Variants in RIMS2 observed in about 807,000 individuals in gnomAD.
The protein encoded by RIMS2 is regulating synaptic membrane exocytosis 2.
Under a neutral mutation model 174.4 loss-of-function variants are expected in RIMS2, and 59 were observed. The observed-to-expected ratio is 0.34, with a 90% confidence interval of 0.27 to 0.42. The LOEUF (loss-of-function observed/expected upper bound fraction) is 0.42. Among genes scored for constraint, RIMS2 ranks in the 10% least tolerant of loss-of-function variants. The probability of loss-of-function intolerance (pLI) is 1.00; values close to 1 mark genes in which losing one functional copy is unlikely to be tolerated. For missense variants in RIMS2, 1,620 were observed against 1,666.3 expected, an observed-to-expected ratio of 0.97 and a Z score of 0.48; for synonymous variants, 606 against 572.5, an observed-to-expected ratio of 1.06 and a Z score of -0.84.
At chr8:104,176,458 G>T (rs560748676) in intron 19 of RIMS2, among the ~76,000 whole-genome samples, 1 of 151,976 alleles carries the variant, frequency 6.6e-6, no homozygotes, top group Admixed American at 6.6e-5. Flanking sequence ...ATCATAGTGG[G>T]CATGGTTCCA....
At chr8:103,663,111 G>A (rs2136142094) in intron 1 of RIMS2, among the ~76,000 whole-genome samples, 1 of 152,022 alleles carries the variant, frequency 6.6e-6, no homozygotes. Context: ...AGAGATTGCA[G>A]TGAGCTGAGA....
At chr8:103,986,370 A>T (rs1449317135) in intron 16 of RIMS2, among the ~76,000 whole-genome samples, 2 of 152,182 alleles carry the variant, frequency 1.3e-5, no homozygotes, top group Non-Finnish European at 2.9e-5. Context: ...AGGCACAGAC[A>T]GTAAGAAAAA....
intron 19 of RIMS2, among the ~76,000 whole-genome samples, chr8:104,153,270 A>C (rs933470475): frequency 6.6e-6 from 1 of 152,138 alleles, no homozygotes; most frequent in Non-Finnish European, 1.5e-5. Context: ...TATAGAGGGA[A>C]TAAGGAGACT....
At chr8:104,036,780 G>A (rs1405595543) in intron 19 of RIMS2, among the ~76,000 whole-genome samples, 3 of 151,960 alleles carry the variant, frequency 2.0e-5, no homozygotes, top group African/African-American at 7.2e-5. Context: ...AGGAGGCTGA[G>A]GCAGGAGAAT....
chr8:104,057,830 G>A (rs967353695), intron 19 of RIMS2, among the ~76,000 whole-genome samples: 1 of 148,034 alleles, frequency 6.8e-6, no homozygotes. Context: ...TTGGTTTTTT[G>A]TCCTTGCGAT....
intron 3 of RIMS2, among the ~76,000 whole-genome samples, chr8:103,788,143 TG>T (rs1486018923): frequency 1.3e-5 from 2 of 150,298 alleles, no homozygotes; most frequent in Non-Finnish European, 3.0e-5. Flanking sequence ...AGCACTTCTC[TG>T]TATTGGTTAT....
chr8:103,593,697 T>C (rs1303310720), intron 1 of RIMS2, among the ~76,000 whole-genome samples: 2 of 151,500 alleles, frequency 1.3e-5, no homozygotes, highest in East Asian at 1.9e-4. Context: ...TAAAATAATA[T>C]TATTTTCTCA....
At chr8:103,834,260 A>C (rs1564825621) in intron 3 of RIMS2, among the ~76,000 whole-genome samples, 3 of 151,482 alleles carry the variant, frequency 2.0e-5, no homozygotes, top group Non-Finnish European at 2.9e-5. Context: ...AGCTTAAAAT[A>C]TAATTTAATT....
Position 103,727,007 on chromosome 8 carries a change from G to A in RIMS2, c.387+29711G>A, listed in dbSNP as rs577289323. 1.2e-4 allele frequency among the ~76,000 whole-genome samples: 18 copies of A among 151,514 alleles called. 1 individual carries two copies. In the South Asian group the frequency reaches 3.3e-3, roughly 28 times the overall value. On this transcript the variant is annotated intron_variant, in intron 2 of 23. Coordinates refer to ENST00000504942, the Ensembl canonical transcript of RIMS2. ...CCACCTCAGCCTCCCAAAGTGCTGG[G>A]ATTACAGGTGTGAGCCACCGCACCC...
chr8:103,621,279 A>C (rs2095628205), intron 1 of RIMS2, among the ~76,000 whole-genome samples: 1 of 152,222 alleles, frequency 6.6e-6, no homozygotes, highest in African/African-American at 2.4e-5. Context: ...AGGGTCATTG[A>C]TAACCTGACG....
chr8:103,909,913 T>C (rs1421130599), intron 4 of RIMS2, among the ~76,000 whole-genome samples: 1 of 151,892 alleles, frequency 6.6e-6, no homozygotes, highest in Non-Finnish European at 1.5e-5. Flanking sequence ...TGTCTAGAGA[T>C]ATAAACTTTA....
chr8:104,109,535 C>A (rs780849322), intron 19 of RIMS2, among the ~76,000 whole-genome samples: 2 of 151,846 alleles, frequency 1.3e-5, no homozygotes, highest in Non-Finnish European at 2.9e-5. Flanking sequence ...CGCAGTAATG[C>A]CCTCAAGGCA....
intron 14 of RIMS2, among the ~76,000 whole-genome samples, chr8:103,951,545 G>T (rs1222182216): frequency 6.6e-6 from 1 of 152,170 alleles, no homozygotes; most frequent in East Asian, 1.9e-4. Context: ...GAACCCATTA[G>T]GGACTGTACC....
chr8:103,814,451 T>G (rs2098706969), intron 3 of RIMS2, among the ~76,000 whole-genome samples: 1 of 151,854 alleles, frequency 6.6e-6, no homozygotes, highest in Admixed American at 6.6e-5. Flanking sequence ...AAAGAAAGAA[T>G]TTACACTTCA....
At chr8:103,707,709 C>T (rs1174893468) in intron 2 of RIMS2, among the ~76,000 whole-genome samples, 1 of 152,144 alleles carries the variant, frequency 6.6e-6, no homozygotes, top group East Asian at 1.9e-4. Flanking sequence ...TATTCCAATC[C>T]CATGGCGTCT....
intron 19 of RIMS2, among the ~76,000 whole-genome samples, chr8:104,066,288 A>G (rs1384800805): frequency 6.6e-6 from 1 of 152,192 alleles, no homozygotes; most frequent in East Asian, 1.9e-4. Context: ...AAGAATTTTA[A>G]TATAGCTTTC....
chr8:103,644,220 A>G (rs567740019), intron 1 of RIMS2, among the ~76,000 whole-genome samples: 3 of 152,154 alleles, frequency 2.0e-5, no homozygotes, highest in Non-Finnish European at 4.4e-5. Context: ...GTTTGTGGAT[A>G]TACTGGTTCC....
chr8:104,129,649 G>T (rs2098458935), intron 19 of RIMS2, among the ~76,000 whole-genome samples: 1 of 152,326 alleles, frequency 6.6e-6, no homozygotes, highest in African/African-American at 2.4e-5. Flanking sequence ...GAAACATACA[G>T]ATGGGCAGAT....
chr8:104,215,054 C>T (rs1342169216), intron 19 of RIMS2, among the ~76,000 whole-genome samples: 3 of 152,152 alleles, frequency 2.0e-5, no homozygotes, highest in African/African-American at 7.2e-5. Flanking sequence ...CTTTAGATGA[C>T]TTTATTACAA....
Sources: allele counts gnomAD v4.1 joint callset (sites outside exome capture counted in the v4.1 genomes callset), GRCh38; gene constraint gnomAD v4.1.1; transcripts MANE v1.5; gene names NCBI Gene and HGNC (gene_info 2026-07-23, HGNC 2026-07-21).